CSMD1: variants seen among roughly 807,000 people sequenced by gnomAD.
The protein encoded by CSMD1 is CUB and sushi domain-containing protein 1.
Under a neutral mutation model 417.5 loss-of-function variants are expected in CSMD1, and 213 were observed. The ratio of observed to expected loss-of-function variants is 0.51; its 90% CI spans 0.46 to 0.57. CSMD1 has a LOEUF of 0.57. CSMD1 is among the 20% of genes least tolerant of loss of function. The pLI is 0.00. For missense variants in CSMD1, 6,923 were observed against 4,529.7 expected (o/e 1.53, Z -15.17); for synonymous variants, 2,862 against 1,736.8 (o/e 1.65, Z -16.11).
chr8:3,455,309 A>G (rs932371209), intron 12 of CSMD1, among the ~76,000 whole-genome samples: 1 of 152,190 alleles, frequency 6.6e-6, no homozygotes, highest in African/African-American at 2.4e-5. Flanking sequence ...TCTTCTCTCA[A>G]CTCATCAAAG....
rs192472170 is a variant in CSMD1, at chr8:3,514,683, G to A, written c.1345-20957C>T. Reference sequence around the variant, plus strand: ...CAAATTTTTTTTATCATATTTGTAGGTATCTTTTGTTAATATCATTTGAAG... The same window carrying A: ...CAAATTTTTTTTATCATATTTGTAGATATCTTTTGTTAATATCATTTGAAG... On this transcript the variant is annotated intron_variant, in intron 10 of 69. Coordinates refer to ENST00000635120, the MANE Select transcript of CSMD1 (RefSeq NM_033225.6). Among the ~76,000 whole-genome samples, 13 of 151,990 alleles carry A rather than the reference G, an allele frequency of 8.6e-5. No homozygotes were observed. The East Asian group carries it at 2.5e-3, about 29-fold the overall frequency.
At chr8:3,161,419 C>A (rs1447325757) in intron 38 of CSMD1, among the ~76,000 whole-genome samples, 1 of 152,026 alleles carries the variant, frequency 6.6e-6, no homozygotes, top group Non-Finnish European at 1.5e-5. Context: ...GAGTTCGAGA[C>A]CAGCTTGGCC....
At chr8:3,313,164 C>G (rs1236159161) in intron 23 of CSMD1, among the ~76,000 whole-genome samples, 1 of 152,144 alleles carries the variant, frequency 6.6e-6, no homozygotes, top group South Asian at 2.1e-4. Flanking sequence ...ACCATAAAAA[C>G]TCTAGAAGAA....
At chr8:3,017,791 T>A (rs984122404) in intron 52 of CSMD1, among the ~76,000 whole-genome samples, 10 of 136,666 alleles carry the variant, frequency 7.3e-5, no homozygotes, top group Non-Finnish European at 1.4e-4. Flanking sequence ...CCAGTTTCTA[T>A]GGCTTTGAGT....
intron 1 of CSMD1, among the ~76,000 whole-genome samples, chr8:4,706,296 T>C (rs1466904343): frequency 6.6e-6 from 1 of 152,074 alleles, no homozygotes. Context: ...TTACCTTACA[T>C]GTACCCCATG....
chr8:4,715,263 T>C (rs957651593), intron 1 of CSMD1, among the ~76,000 whole-genome samples: 1 of 152,242 alleles, frequency 6.6e-6, no homozygotes, highest in African/African-American at 2.4e-5. Context: ...TGTTTGGCTC[T>C]GACAAAATTA....
At chr8:4,102,486 G>C (rs1409096705) in intron 3 of CSMD1, among the ~76,000 whole-genome samples, 2 of 152,178 alleles carry the variant, frequency 1.3e-5, no homozygotes, top group African/African-American at 2.4e-5. Context: ...TCTGTCACTT[G>C]AGGGGCAGAA....
intron 3 of CSMD1, among the ~76,000 whole-genome samples, chr8:4,277,677 C>G (rs564977306): frequency 6.6e-6 from 1 of 152,148 alleles, no homozygotes; most frequent in Non-Finnish European, 1.5e-5. Flanking sequence ...GATTTAAACA[C>G]AAGCGACAGA....
At chr8:4,183,759 ATTTCGTTGATG>A (rs1276909400) in intron 3 of CSMD1, among the ~76,000 whole-genome samples, 1 of 152,244 alleles carries the variant, frequency 6.6e-6, no homozygotes, top group African/African-American at 2.4e-5. Context: ...CAATATGAGT[ATTTCGTTGATG>A]AAAGCTTTTC....
At chr8:3,238,000 G>T (rs985151561) in intron 26 of CSMD1, among the ~76,000 whole-genome samples, 1 of 149,990 alleles carries the variant, frequency 6.7e-6, no homozygotes, top group African/African-American at 2.5e-5. Context: ...TTTCACTCGC[G>T]TCCGTGTGAA....
At chr8:3,244,095 C>T (rs899589496) in intron 26 of CSMD1, among the ~76,000 whole-genome samples, 3 of 152,214 alleles carry the variant, frequency 2.0e-5, no homozygotes, top group Non-Finnish European at 4.4e-5. Flanking sequence ...ATCTAGTACA[C>T]AGATCACAAC....
rs115490422 is a variant in CSMD1 at position 4,712,565 on chromosome 8, A to G, written c.86-75007T>C. ...AAGATAGTAAGTGAAATAGAAGAGA[A>G]CAGAAAGAAGGGGCTTTAGAATACT... On this transcript the variant is annotated intron_variant, in intron 1 of 69. Coordinates refer to ENST00000635120, the MANE Select transcript of CSMD1 (RefSeq NM_033225.6). Among the ~76,000 whole-genome samples the G allele has an allele frequency of 2.7e-3, 411 of 152,352 alleles. 4 individuals are homozygous for G. The highest frequency in any genetic ancestry group is 9.5e-3 in the African/African-American group (395 of 41,592).
intron 10 of CSMD1, among the ~76,000 whole-genome samples, chr8:3,522,186 T>C (rs914796229): frequency 6.6e-6 from 1 of 152,160 alleles, no homozygotes; most frequent in African/African-American, 2.4e-5. Flanking sequence ...ATGTGAAAAA[T>C]CGTTATATGA....
chr8:3,270,983 T>C (rs549797073), intron 26 of CSMD1, among the ~76,000 whole-genome samples: 3 of 151,942 alleles, frequency 2.0e-5, no homozygotes, highest in African/African-American at 7.2e-5. Context: ...AACGTACAGG[T>C]TAGTTACATA....
Position 2,938,501 on chromosome 8 carries a change from G to A in CSMD1, c.*84C>T, listed in dbSNP as rs1801648105. 1 of 1,329,034 alleles carries A rather than the reference G, an allele frequency of 7.5e-7. No homozygotes were observed. The highest frequency in any genetic ancestry group is 2.2e-5 in the Admixed American group (1 of 44,760). The allele number at this position is 1,329,034 out of a possible 1,614,324, so 82.3% of individuals were successfully genotyped here. A position where few individuals can be genotyped will look rare whatever the true frequency, so the allele number is the denominator to read the frequency against. On this transcript the variant is annotated 3_prime_UTR_variant, in exon 70 of 70. Coordinates refer to ENST00000635120, the MANE Select transcript of CSMD1 (RefSeq NM_033225.6). Reference sequence around the variant, plus strand: ...CGCTGCAGTAAAGCCAGAGTGGAAGGGAGAGTGGTATATGGCACCAAAGGA... The same window carrying A: ...CGCTGCAGTAAAGCCAGAGTGGAAGAGAGAGTGGTATATGGCACCAAAGGA...
intron 31 of CSMD1, among the ~76,000 whole-genome samples, chr8:3,204,701 C>G (rs1443309641): frequency 6.6e-6 from 1 of 152,196 alleles, no homozygotes; most frequent in Admixed American, 6.5e-5. Flanking sequence ...ATACGTCTAA[C>G]ATTAGAATTT....
chr8:4,759,726 C>A (rs1811913892), intron 1 of CSMD1, among the ~76,000 whole-genome samples: 1 of 152,108 alleles, frequency 6.6e-6, no homozygotes, highest in Admixed American at 6.6e-5. Context: ...TATCCATGTT[C>A]CTGAAAAAGA....
At chr8:3,126,656 T>C (rs1273429993) in intron 41 of CSMD1, among the ~76,000 whole-genome samples, 1 of 152,206 alleles carries the variant, frequency 6.6e-6, no homozygotes, top group African/African-American at 2.4e-5. Context: ...TATCACTCTT[T>C]CTTTATAACC....
At chr8:4,149,595 G>A (rs918792379) in intron 3 of CSMD1, among the ~76,000 whole-genome samples, 1 of 152,136 alleles carries the variant, frequency 6.6e-6, no homozygotes, top group Non-Finnish European at 1.5e-5. Context: ...ATGCTAAAAG[G>A]GAAATAAACA....
Sources: allele counts gnomAD v4.1 joint callset (sites outside exome capture counted in the v4.1 genomes callset), GRCh38; gene constraint gnomAD v4.1.1; transcripts MANE v1.5; gene names NCBI Gene and HGNC (gene_info 2026-07-23, HGNC 2026-07-21).